ATP2B3: variants seen among roughly 807,000 people sequenced by gnomAD.
The protein encoded by ATP2B3 is plasma membrane calcium-transporting ATPase 3.
Under a neutral mutation model 70.8 loss-of-function variants are expected in ATP2B3, and 12 were observed. The ratio of observed to expected loss-of-function variants is 0.17; its 90% CI spans 0.11 to 0.27. The LOEUF is 0.27. Among genes scored for constraint, ATP2B3 ranks in the 10% least tolerant of loss-of-function variants. The probability of loss-of-function intolerance (pLI) is 1.00; values close to 1 mark genes in which losing one functional copy is unlikely to be tolerated. For missense variants in ATP2B3, 858 were observed against 1,118.5 expected (o/e 0.77, Z 3.32); for synonymous variants, 460 against 497.8 (o/e 0.92, Z 1.01).
At position 153,553,116 on chromosome X, in the gene ATP2B3, C is replaced by T; in HGVS notation, c.1905C>T (p.Ile635=). ...RDRDDMVRKI[I]EPMACDGLRT... is the part of the protein sequence containing the mutation. Reference sequence around the variant, plus strand: ...GGGACGACATGGTGAGGAAGATCATCGAGCCGATGGCTTGCGATGGCCTCC... The same window carrying T: ...GGGACGACATGGTGAGGAAGATCATTGAGCCGATGGCTTGCGATGGCCTCC... The change falls in exon 13 of 22, where the codon ATC becomes ATT. Residue 635 remains isoleucine, a synonymous_variant. Transcript: ENST00000263519. The T allele has an allele frequency of 2.5e-6, 3 of 1,209,414 alleles. No homozygotes were observed. Among genetic ancestry groups the T allele is most frequent in the Non-Finnish European group, 3.4e-6 (3 of 893,856 alleles).
At chrX:153,549,134 A>G (rs2090415965) in intron 10 of ATP2B3, among the ~76,000 whole-genome samples, 1 of 102,083 alleles carries the variant, frequency 9.8e-6, no homozygotes, top group African/African-American at 3.6e-5. Context: ...GCAGCGGGGA[A>G]GCGGAGAATC....
At chrX:153,571,458 G>A (rs1013648809) in intron 21 of ATP2B3, among the ~76,000 whole-genome samples, 3 of 111,581 alleles carry the variant, frequency 2.7e-5, no homozygotes, top group African/African-American at 9.8e-5. Context: ...CGCGTTCCTC[G>A]AGCCTTCTCC....
intron 2 of ATP2B3, among the ~76,000 whole-genome samples, chrX:153,529,274 G>T (rs1557000952): frequency 8.9e-6 from 1 of 112,175 alleles, no homozygotes; most frequent in African/African-American, 3.2e-5. Flanking sequence ...TACCCACCTG[G>T]CTGGGCAGGA....
intron 20 of ATP2B3, 134 bp from the exon 21 acceptor site, chrX:153,564,787 C>G: frequency 1.5e-6 from 1 of 686,210 alleles, no homozygotes; most frequent in East Asian, 3.7e-5. Context: ...AGCTTTACTC[C>G]CTTTGCTTAG....
intron 8 of ATP2B3, among the ~76,000 whole-genome samples, chrX:153,547,237 G>T (rs1404129177): frequency 9.0e-6 from 1 of 110,673 alleles, no homozygotes; most frequent in Non-Finnish European, 1.9e-5. Context: ...GGAGGGAGCC[G>T]GAGTGGGGGA....
Position 153,541,721 on chromosome X carries a change from C to T in ATP2B3, c.459C>T (p.Gly153=), listed in dbSNP as rs1557006502. ...GAEDEGEAEA[G]WIEGAAILLS... is the part of the protein sequence containing the mutation. ...AAGATGAGGGCGAGGCCGAAGCTGG[C>T]TGGATCGAGGGGGCTGCCATCCTGC... Residue 153 remains glycine, a synonymous_variant, in exon 5 of 22, where the codon GGC becomes GGT. Coordinates refer to ENST00000263519, the MANE Select transcript of ATP2B3 (RefSeq NM_001001344.3). 8.3e-7 allele frequency: 1 copy of T among 1,211,666 alleles called. No homozygotes were observed. Among genetic ancestry groups the T allele is most frequent in the East Asian group, 3.0e-5 (1 of 33,835 alleles).
At chrX:153,537,203 T>A (rs1009095684) in intron 3 of ATP2B3, among the ~76,000 whole-genome samples, 17 of 113,222 alleles carry the variant, frequency 1.5e-4, no homozygotes, top group African/African-American at 5.1e-4. Flanking sequence ...GTTGCTGCGG[T>A]CTGCCATGAA....
intron 21 of ATP2B3, chrX:153,569,763 CT>C: frequency 2.5e-6 from 3 of 1,207,574 alleles, no homozygotes; most frequent in Non-Finnish European, 3.4e-6. Flanking sequence ...GGGAGTGAGT[CT>C]TGACTTCCCT....
At position 153,558,149 on chromosome X, in the gene ATP2B3, ACAT is replaced by A; in HGVS notation, c.2476_2478del (p.Ile826del). 8.3e-7 allele frequency: 1 copy of A among 1,211,530 alleles called. No individual in the cohort carries two copies. Among genetic ancestry groups the A allele is most frequent in the Non-Finnish European group, 1.1e-6 (1 of 895,432 alleles). On this transcript the variant is annotated inframe_deletion, in exon 17 of 22. Transcript: ENST00000263519. ...ACCGACGTGGCCAAGGAGGCCTCCG[ACAT>A]CATCCTGACCGATGACAACTTCACC...
chrX:153,521,532 G>A (rs1212003576), intron 2 of ATP2B3, among the ~76,000 whole-genome samples: 4 of 112,373 alleles, frequency 3.6e-5, no homozygotes, highest in Non-Finnish European at 7.5e-5. Context: ...TTTAGAGCAC[G>A]AGGAGGTTTC....
At position 153,541,663 on chromosome X, in the gene ATP2B3, G is replaced by A. The variant is rs139607201; in HGVS notation, c.407-6G>A. ...CTCCACTGCTTCCCTTCTGTCCTCC[G>A]CACAGCCTGTGGGAATGTGTCGGGA... On this transcript the variant is annotated splice_region_variant and splice_polypyrimidine_tract_variant and intron_variant, in intron 4 of 21. Transcript: ENST00000263519. 2.8e-3 allele frequency: 3,359 copies of A among 1,208,161 alleles called. 67 individuals carry two copies. In the African/African-American group the frequency reaches 0.051, roughly 18 times the overall value.
At chrX:153,578,675 C>T (rs1309310573) in intron 21 of ATP2B3, among the ~76,000 whole-genome samples, 3 of 112,606 alleles carry the variant, frequency 2.7e-5, no homozygotes, top group Non-Finnish European at 3.8e-5. Context: ...GTCTGGGGCA[C>T]AGCGGGAGCT....
At chrX:153,556,896 C>T (rs1557013917) in intron 15 of ATP2B3, 21 bp from the exon 16 acceptor site, 9 of 1,169,819 alleles carry the variant, frequency 7.7e-6, no homozygotes, top group Non-Finnish European at 9.2e-6. Context: ...CAGCCCTGCC[C>T]TGCCCTGATC....
chrX:153,543,936 C>T (rs1161007802), intron 7 of ATP2B3, among the ~76,000 whole-genome samples: 4 of 36,534 alleles, frequency 1.1e-4, no homozygotes, highest in Admixed American at 7.1e-4. Context: ...GGCCAGTGCG[C>T]GGGGTGTGGG....
intron 13 of ATP2B3, among the ~76,000 whole-genome samples, chrX:153,554,207 G>T (rs1474783156): frequency 8.8e-6 from 1 of 113,635 alleles, no homozygotes; most frequent in Non-Finnish European, 1.9e-5. Context: ...GAGAAAATGG[G>T]TGGTAGCGGA....
Position 153,560,759 on chromosome X carries a change from A to T in ATP2B3, c.2923A>T (p.Thr975Ser). Residue 975 changes from threonine (T) to serine (S), a missense_variant, in exon 19 of 22, where the codon ACG (threonine) becomes TCG (serine). This residue lies in a region of ATP2B3 where 265 missense variants were observed against 305.3 expected (regional missense o/e 0.87). Coordinates refer to ENST00000263519, the MANE Select transcript of ATP2B3 (RefSeq NM_001001344.3). Reference protein sequence around the residue: ...PSEHYTIIFNTFVMMQLFNEI... With the variant: ...PSEHYTIIFNSFVMMQLFNEI... Reference sequence around the variant, plus strand: ...AGAGCACTACACCATCATCTTCAACACGTTCGTCATGATGCAGCTCTTTAA... The same window carrying T: ...AGAGCACTACACCATCATCTTCAACTCGTTCGTCATGATGCAGCTCTTTAA... The T allele has an allele frequency of 8.3e-7, 1 of 1,211,719 alleles. No individual in the cohort carries two copies. The highest frequency in any genetic ancestry group is 1.1e-6 in the Non-Finnish European group (1 of 895,497).
At chrX:153,564,811 T>G in intron 20 of ATP2B3, 110 bp from the exon 21 acceptor site, 1 of 833,951 alleles carries the variant, frequency 1.2e-6, no homozygotes, top group Non-Finnish European at 1.6e-6. Flanking sequence ...CAAAAACAAA[T>G]GACATCCTTT....
chrX:153,537,831 G>A (rs112343927), intron 3 of ATP2B3, among the ~76,000 whole-genome samples: 421 of 112,731 alleles, frequency 3.7e-3, no homozygotes, highest in African/African-American at 0.013. Flanking sequence ...TCCCCTGTCT[G>A]CCAGGCCTTG....
At chrX:153,557,859 C>T (rs5945302) in intron 16 of ATP2B3, among the ~76,000 whole-genome samples, 15,059 of 100,770 alleles carry the variant, frequency 0.15, 1,384 homozygotes, top group African/African-American at 0.33. Context: ...ATGTCATCAG[C>T]ACCCTCTGTG....
Sources: allele counts gnomAD v4.1 joint callset (sites outside exome capture counted in the v4.1 genomes callset), GRCh38; gene constraint gnomAD v4.1.1; regional missense constraint gnomAD v4.1.1; transcripts MANE v1.5; gene names NCBI Gene and HGNC (gene_info 2026-07-23, HGNC 2026-07-21).